ILDR2: variants seen among roughly 807,000 people sequenced by gnomAD.
ILDR2 encodes the protein immunoglobulin like domain containing receptor 2.
Under a neutral mutation model 66.8 loss-of-function variants are expected in ILDR2, and 25 were observed. The observed-to-expected ratio is 0.37, with a 90% confidence interval of 0.27 to 0.52. The LOEUF (loss-of-function observed/expected upper bound fraction) is 0.52. ILDR2 is among the 20% of genes least tolerant of loss of function. The pLI, the probability that ILDR2 is intolerant of heterozygous loss-of-function variation, is 0.88. For missense variants in ILDR2, 827 were observed against 876.8 expected (o/e 0.94, Z 0.72); for synonymous variants, 367 against 357.2 (o/e 1.03, Z -0.31).
At chr1:166,966,032 A>C (rs1272830643) in intron 1 of ILDR2, among the ~76,000 whole-genome samples, 4 of 152,182 alleles carry the variant, frequency 2.6e-5, no homozygotes, top group Non-Finnish European at 5.9e-5. Context: ...GAAATATTTA[A>C]AGACAAGGCT....
chr1:166,907,131 G>C (rs1259771177), downstream of ILDR2: 2 of 152,214 alleles, frequency 1.3e-5, no homozygotes, highest in South Asian at 4.1e-4. Context: ...TATCAAAGCT[G>C]CTGGTCTCCT....
chr1:166,900,067 G>A (rs1044623176), intron 2 of ILDR2, among the ~76,000 whole-genome samples: 45 of 152,290 alleles, frequency 3.0e-4, no homozygotes, highest in African/African-American at 1.1e-3. Flanking sequence ...TCAAATGTCA[G>A]TATATATCTC....
rs1659885301 is a variant in ILDR2 at position 166,920,910 on chromosome 1, G to A, written c.1681C>T (p.Arg561Cys). Residue 561 changes from arginine (R) to cysteine (C), a missense_variant, in exon 9 of 10, where the codon CGC becomes TGC. This residue lies in a region of ILDR2 where 390 missense variants were observed against 353.6 expected (regional missense o/e 1.10). Coordinates refer to ENST00000271417, the MANE Select transcript of ILDR2 (RefSeq NM_199351.3). ...GACCAAGCGTAGTAGGAGGCGCTGC[G>A]CGGGCCGAGCTGCGCGCTCCGCTTG... The part of the protein sequence containing the change: ...PSKRSAQLGP[R>C]SASYYAWSPP... The A allele has an allele frequency of 6.8e-7, 1 of 1,476,186 alleles. No homozygotes were observed. Among genetic ancestry groups the A allele is most frequent in the Non-Finnish European group, 8.9e-7 (1 of 1,119,694 alleles). The allele number at this position is 1,476,186 out of a possible 1,614,324, so 91.4% of individuals were successfully genotyped here.
At chr1:166,905,506 G>T (rs1450542247), downstream of ILDR2, among the ~76,000 whole-genome samples, 2 of 152,126 alleles carry the variant, frequency 1.3e-5, no homozygotes, top group African/African-American at 4.8e-5. Flanking sequence ...CAGACCCAGG[G>T]TCTACCAGAG....
At chr1:166,951,429 C>T (rs577087716) in intron 3 of ILDR2, among the ~76,000 whole-genome samples, 4 of 152,266 alleles carry the variant, frequency 2.6e-5, no homozygotes, top group South Asian at 2.1e-4. Flanking sequence ...GGAATACCCC[C>T]GGATTTATCT....
chr1:166,901,369 A>G (rs1659261610), intron 2 of ILDR2, among the ~76,000 whole-genome samples: 1 of 152,170 alleles, frequency 6.6e-6, no homozygotes, highest in South Asian at 2.1e-4. Flanking sequence ...CCTACAGCTC[A>G]TCTCCATGGC....
intron 2 of ILDR2, among the ~76,000 whole-genome samples, chr1:166,901,740 C>T (rs1659269396): frequency 6.6e-6 from 1 of 152,210 alleles, no homozygotes; most frequent in South Asian, 2.1e-4. Context: ...GCCTTCTTCC[C>T]TAGTTCCCCC....
chr1:166,914,004 A>C lies in ILDR2; in HGVS notation c.*5351T>G, dbSNP rs1382884626. On this transcript the variant is annotated 3_prime_UTR_variant, in exon 10 of 10. Transcript: ENST00000271417. ...GTGGCATATATCTGTAGTCCTACCT[A>C]CTTGGGAGGCTGAGGGAGGAGGATT... 6.6e-6 allele frequency: 1 copy of C among 152,062 alleles called. No individual in the cohort carries two copies. Among genetic ancestry groups the C allele is most frequent in the Non-Finnish European group, 1.5e-5 (1 of 68,154 alleles). The allele number at this position is 152,062 out of a possible 1,614,324, so 9.4% of individuals were successfully genotyped here. A position where few individuals can be genotyped will look rare whatever the true frequency, so the allele number is the denominator to read the frequency against.
At chr1:166,972,031 G>A (rs957870723) in intron 1 of ILDR2, among the ~76,000 whole-genome samples, 2 of 152,030 alleles carry the variant, frequency 1.3e-5, no homozygotes. Context: ...AGCCAACATG[G>A]TGAAACCCCA....
At chr1:166,926,946 G>T in intron 7 of ILDR2, 121 bp downstream of exon 7, 1 of 596,990 alleles carries the variant, frequency 1.7e-6, no homozygotes, top group East Asian at 2.8e-5. Flanking sequence ...AGTGTCACCA[G>T]CACCCCTGCT....
rs986382292 is a variant in ILDR2 at position 166,957,902 on chromosome 1, C to G, written c.246G>C (p.Lys82Asn). The G allele has an allele frequency of 6.2e-7, 1 of 1,614,176 alleles. No homozygotes were observed. The highest frequency in any genetic ancestry group is 8.5e-7 in the Non-Finnish European group (1 of 1,180,032). ...AGTAGGGGTCCCATTCCAGGTTTCT[C>G]TTGCTGAGAGATTGGGCCCGGGTAG... ...MSSTRAQSLS[K>N]RNLEWDPYLD... The change falls in exon 2 of 10, where the codon AAG becomes AAC. Residue 82 changes from lysine (K) to asparagine (N), a missense_variant. Lys to Asn is a moderately conservative substitution (Grantham distance 94). This residue lies in a region of ILDR2 where 437 missense variants were observed against 523.2 expected (regional missense o/e 0.84). Transcript: ENST00000271417.
chr1:166,934,173 C>T (rs1447611921), intron 6 of ILDR2, among the ~76,000 whole-genome samples: 3 of 152,096 alleles, frequency 2.0e-5, no homozygotes, highest in African/African-American at 7.2e-5. Flanking sequence ...AATGCCCCTC[C>T]ACCTCTCCAC....
At chr1:166,907,970 G>A (rs932080123), downstream of ILDR2, 2 of 152,162 alleles carry the variant, frequency 1.3e-5, no homozygotes, top group Admixed American at 1.3e-4. Context: ...AGACGTGCTG[G>A]CCATCCCTGA....
At chr1:166,965,998 C>T (rs909817595) in intron 1 of ILDR2, among the ~76,000 whole-genome samples, 3 of 151,812 alleles carry the variant, frequency 2.0e-5, no homozygotes, top group African/African-American at 7.3e-5. Context: ...GTAGCATTGT[C>T]GGGATGAGAA....
chr1:166,937,207 G>C (rs1661037650), intron 4 of ILDR2, among the ~76,000 whole-genome samples: 1 of 152,164 alleles, frequency 6.6e-6, no homozygotes, highest in Non-Finnish European at 1.5e-5. Context: ...TGAGGAAACA[G>C]TCTCTATGTC....
intron 1 of ILDR2, among the ~76,000 whole-genome samples, chr1:166,974,869 C>A (rs1663502004): frequency 6.6e-6 from 1 of 152,222 alleles, no homozygotes; most frequent in African/African-American, 2.4e-5. Flanking sequence ...ACAAGACTCA[C>A]AGCATTACAA....
At chr1:166,953,064 G>C (rs1662078102) in intron 3 of ILDR2, among the ~76,000 whole-genome samples, 1 of 151,876 alleles carries the variant, frequency 6.6e-6, no homozygotes, top group African/African-American at 2.4e-5. Context: ...TGTTTTTTTG[G>C]CATCCCACAT....
chr1:166,972,292 G>A (rs1479480746), intron 1 of ILDR2, among the ~76,000 whole-genome samples: 1 of 152,110 alleles, frequency 6.6e-6, no homozygotes, highest in African/African-American at 2.4e-5. Context: ...GAAGCCTCCA[G>A]GAAAACACAT....
chr1:166,896,756 C>T (rs1344170241), intron 2 of ILDR2, among the ~76,000 whole-genome samples: 1 of 151,752 alleles, frequency 6.6e-6, no homozygotes, highest in Non-Finnish European at 1.5e-5. Flanking sequence ...CTGCCTCAGC[C>T]TCCTCAGTAG....
Sources: gnomAD v4.1 joint callset for allele counts (sites outside exome capture counted in the v4.1 genomes callset) on GRCh38, gnomAD v4.1.1 for gene constraint, gnomAD v4.1.1 regional missense constraint, MANE v1.5 for transcripts, NCBI Gene and HGNC (gene_info 2026-07-23, HGNC 2026-07-21) for gene names.